Variants in RNF216 observed in about 807,000 individuals in gnomAD.
The protein encoded by RNF216 is ring finger protein 216.
RNF216 carries 72 observed loss-of-function variants against 110.8 expected under a neutral mutation model. That is an observed-to-expected ratio of 0.65 (90% CI 0.54 to 0.79). The LOEUF is 0.79. Ranked by LOEUF, RNF216 falls within the 30% of genes least tolerant of loss-of-function variation. The pLI is 0.00. For synonymous variants in RNF216, 495 were observed against 407.5 expected (o/e 1.21, Z -2.59); for missense variants, 1,342 against 1,141.2 (o/e 1.18, Z -2.54).
At chr7:5,678,411 G>C (rs1180764198) in intron 13 of RNF216, among the ~76,000 whole-genome samples, 1 of 152,158 alleles carries the variant, frequency 6.6e-6, no homozygotes, top group Non-Finnish European at 1.5e-5. Flanking sequence ...GCCAAGGACT[G>C]ACCTACGTTA....
chr7:5,725,365 T>C lies in RNF216; in HGVS notation c.1463A>G (p.Gln488Arg). The C allele has an allele frequency of 6.2e-7, 1 of 1,613,720 alleles. No homozygotes were observed. The highest frequency in any genetic ancestry group is 8.5e-7 in the Non-Finnish European group (1 of 1,179,562). The change falls in exon 8 of 17, where the codon CAA (glutamine) becomes CGA (arginine). Residue 488 changes from glutamine to arginine, a missense_variant. By Grantham distance (43) the Gln-to-Arg change is conservative. Coordinates refer to ENST00000389902, the MANE Select transcript of RNF216 (RefSeq NM_207111.4). ...ETSGKRKKRKQMNQYSYIDFK... is the reference protein window; with the variant it reads ...ETSGKRKKRKRMNQYSYIDFK... ...ATCAATGTAAGAATACTGGTTCATTTGTTTTCTCTTCTTCCTTTTTCCACT... is the reference window on the plus strand; with the variant it reads ...ATCAATGTAAGAATACTGGTTCATTCGTTTTCTCTTCTTCCTTTTTCCACT...
chr7:5,749,966 AT>A (rs1795246433), intron 3 of RNF216, among the ~76,000 whole-genome samples: 1 of 152,178 alleles, frequency 6.6e-6, no homozygotes, highest in African/African-American at 2.4e-5. Context: ...TTTTAAGGTT[AT>A]TATAGCTTAT....
chr7:5,770,071 G>A (rs1796416027), intron 1 of RNF216, among the ~76,000 whole-genome samples: 1 of 149,096 alleles, frequency 6.7e-6, no homozygotes, highest in Non-Finnish European at 1.5e-5. Flanking sequence ...AATCGGCTGG[G>A]CGTGGTGGCT....
Position 5,715,296 on chromosome 7 carries a change from T to C in RNF216, c.1696-106A>G. Reference sequence around the variant, plus strand: ...GCCACCCCCCACACAAATTCTGAGGTAAAGCAACCCATTTTAGGGGCCATA... The same window carrying C: ...GCCACCCCCCACACAAATTCTGAGGCAAAGCAACCCATTTTAGGGGCCATA... On this transcript the variant is annotated intron_variant, in intron 10 of 16. Coordinates refer to ENST00000389902, the MANE Select transcript of RNF216 (RefSeq NM_207111.4). 1.8e-6 allele frequency: 2 copies of C among 1,121,978 alleles called. 1 individual carries two copies. The highest frequency in any genetic ancestry group is 2.9e-5 in the South Asian group (2 of 68,606). 69.5% of individuals were successfully genotyped at this position (1,121,978 alleles called of 1,614,324 possible).
intron 13 of RNF216, among the ~76,000 whole-genome samples, chr7:5,685,544 G>A (rs142031164): frequency 1.6e-3 from 247 of 152,334 alleles, no homozygotes; most frequent in Non-Finnish European, 3.0e-3. Flanking sequence ...CTACATCAAG[G>A]CAAATTCTAT....
intron 1 of RNF216, among the ~76,000 whole-genome samples, chr7:5,763,365 T>C (rs534248924): frequency 3.3e-4 from 51 of 152,260 alleles, no homozygotes; most frequent in Admixed American, 1.2e-3. Context: ...GAGCGATGGC[T>C]CACACCTGTA....
In RNF216 at chr7:5,624,396, G is replaced by A. The variant is rs948429980; in HGVS notation, c.2383-271C>T. Among the ~76,000 whole-genome samples, 1 of 152,230 alleles carries A rather than the reference G, an allele frequency of 6.6e-6. No homozygotes were observed. The highest frequency in any genetic ancestry group is 2.4e-5 in the African/African-American group (1 of 41,460). On this transcript the variant is annotated intron_variant, in intron 15 of 16. Coordinates refer to ENST00000389902, the MANE Select transcript of RNF216 (RefSeq NM_207111.4). This position sits in a 1 kb window ranked among gnomAD's most constrained non-coding sequence, Gnocchi z 4.4. ...AGGCAGCTGCCTGGTGAGGTGGGGG[G>A]ATGGAGGGCCTCCATGCACTGAGCT... is the stretch of plus-strand genomic sequence containing the variant.
intron 1 of RNF216, among the ~76,000 whole-genome samples, chr7:5,768,958 GC>G (rs1283520729): frequency 6.6e-6 from 1 of 152,032 alleles, no homozygotes; most frequent in African/African-American, 2.4e-5. Flanking sequence ...ACTGTGCCCG[GC>G]CAAAGCAACT....
At chr7:5,666,941 A>T (rs1164922177) in intron 13 of RNF216, among the ~76,000 whole-genome samples, 1 of 151,746 alleles carries the variant, frequency 6.6e-6, no homozygotes, top group Non-Finnish European at 1.5e-5. Flanking sequence ...CAGTGCCCAG[A>T]GTAGCTGTGA....
chr7:5,729,381 G>T (rs766626232), intron 7 of RNF216, 51 bp downstream of exon 7: 35 of 1,565,002 alleles, frequency 2.2e-5, no homozygotes, highest in African/African-American at 4.1e-5. Context: ...TGTTACCATG[G>T]GAAGATGTAG....
chr7:5,733,284 G>A (rs1026029713), intron 5 of RNF216: 8 of 152,160 alleles, frequency 5.3e-5, no homozygotes, highest in Non-Finnish European at 5.9e-5. Flanking sequence ...ATTTTAATGT[G>A]TTTAAGGATC....
At chr7:5,655,521 G>T (rs187506505) in intron 13 of RNF216, among the ~76,000 whole-genome samples, 4 of 152,104 alleles carry the variant, frequency 2.6e-5, no homozygotes, top group Non-Finnish European at 5.9e-5. Context: ...CAGGAGAATT[G>T]CTTGAACCTG....
intron 13 of RNF216, among the ~76,000 whole-genome samples, chr7:5,654,508 G>A (rs143382271): frequency 0.037 from 5,659 of 151,582 alleles, 138 homozygotes; most frequent in Non-Finnish European, 0.051. Context: ...CTAACATGGC[G>A]AAACCCCACC....
rs1369037204 is a variant in RNF216, at chr7:5,696,835, T to C, written c.2061+14926A>G. ...TGTCCCCAGGTTACTAGAAATGACT[T>C]GCCATAGTGACTACATTGGCAAGGT... On this transcript the variant is annotated intron_variant, in intron 13 of 16. Coordinates refer to ENST00000389902, the MANE Select transcript of RNF216 (RefSeq NM_207111.4). This position sits in a 1 kb window ranked among gnomAD's most constrained non-coding sequence, Gnocchi z 5.4. Among the ~76,000 whole-genome samples, 1 of 152,168 alleles carries C rather than the reference T, an allele frequency of 6.6e-6. No homozygotes were observed. The highest frequency in any genetic ancestry group is 1.5e-5 in the Non-Finnish European group (1 of 68,030).
chr7:5,627,772 C>T (rs1786804356), intron 15 of RNF216, among the ~76,000 whole-genome samples: 1 of 151,648 alleles, frequency 6.6e-6, no homozygotes, highest in South Asian at 2.1e-4. Context: ...TAGCCACTAA[C>T]CCCCTTTTTT....
intron 14 of RNF216, among the ~76,000 whole-genome samples, chr7:5,643,817 C>T (rs544816771): frequency 5.9e-5 from 9 of 152,218 alleles, no homozygotes; most frequent in African/African-American, 2.2e-4. Flanking sequence ...AACCCTGTAC[C>T]CACTAAGCAG....
At chr7:5,640,564 TA>T (rs1214899253) in intron 15 of RNF216, among the ~76,000 whole-genome samples, 3 of 152,218 alleles carry the variant, frequency 2.0e-5, no homozygotes, top group Non-Finnish European at 4.4e-5. Context: ...GCTCCTCCTC[TA>T]AAATACTGTA....
At chr7:5,632,855 G>A (rs1787158228) in intron 15 of RNF216, among the ~76,000 whole-genome samples, 1 of 152,164 alleles carries the variant, frequency 6.6e-6, no homozygotes, top group South Asian at 2.1e-4. Flanking sequence ...GGGATCCAAT[G>A]AGTACCATGA....
chr7:5,623,916 G>A lies in RNF216; in HGVS notation c.2452+140C>T, dbSNP rs554702065. On this transcript the variant is annotated intron_variant, in intron 16 of 16. Coordinates refer to ENST00000389902, the MANE Select transcript of RNF216 (RefSeq NM_207111.4). ...CCTGAGATGTGGCCGCGTGGGTGAA[G>A]TCAGGTCTATAGCCACCTGAGGGAC... 14 of 666,642 alleles carry A rather than the reference G, an allele frequency of 2.1e-5. No individual in the cohort carries two copies. In the East Asian group the frequency reaches 3.5e-4, roughly 17 times the overall value. The allele number at this position is 666,642 out of a possible 1,614,324, so 41.3% of individuals were successfully genotyped here. A position where few individuals can be genotyped will look rare whatever the true frequency, so the allele number is the denominator to read the frequency against.
Sources: gnomAD v4.1 joint callset for allele counts (sites outside exome capture counted in the v4.1 genomes callset) on GRCh38, gnomAD v4.1.1 for gene constraint, Gnocchi (gnomAD v3.1) non-coding constraint, MANE v1.5 for transcripts, NCBI Gene and HGNC (gene_info 2026-07-23, HGNC 2026-07-21) for gene names.